The following SYNPO2 variants were observed in gnomAD, a reference collection of about 807,000 sequenced individuals.
The protein encoded by SYNPO2 is synaptopodin-2.
Under a neutral mutation model 85.0 loss-of-function variants are expected in SYNPO2, and 56 were observed. The ratio of observed to expected loss-of-function variants is 0.66; its 90% confidence interval spans 0.53 to 0.82. The LOEUF (loss-of-function observed/expected upper bound fraction) is 0.82. SYNPO2 is among the 40% of genes least tolerant of loss of function. The pLI is 0.00. For missense variants in SYNPO2, 1,575 were observed against 1,534.2 expected (o/e 1.03, Z -0.44); for synonymous variants, 602 against 591.1 (o/e 1.02, Z -0.27).
chr4:119,001,862 T>C lies in SYNPO2; in HGVS notation c.106-21568T>C, dbSNP rs1455813041. ...ACATCTGTGTTTACCTTTGTCTAGT[T>C]TTCTTATTTCTAAAATATACATCTG... On this transcript the variant is annotated intron_variant, in intron 1 of 4. Transcript: ENST00000307142. Among the ~76,000 whole-genome samples the C allele has an allele frequency of 5.9e-5, 9 of 151,778 alleles. No individual in the cohort carries two copies. The East Asian group carries it at 1.7e-3, about 29-fold the overall frequency.
In SYNPO2 at chr4:119,026,675, A is replaced by T; in HGVS notation, c.306A>T (p.Lys102Asn). The T allele has an allele frequency of 1.2e-6, 2 of 1,612,606 alleles. No homozygotes were observed. The highest frequency in any genetic ancestry group is 4.5e-5 in the East Asian group (2 of 44,884). The part of the protein sequence containing the change: ...SEALISENEN[K>N]NLEHLTHGGY... The stretch of plus-strand genomic sequence containing the variant: ...CTTTGATATCTGAAAATGAAAACAA[A>T]AACCTCGAGCATCTCACACATGGGG... Residue 102 changes from lysine (K) to asparagine (N), a missense_variant, in exon 3 of 5, where the codon AAA becomes AAT. Lys to Asn is a moderately conservative substitution (Grantham distance 94). This residue lies in a region of SYNPO2 where 1,508 missense variants were observed against 1,446.8 expected (regional missense o/e 1.04). Coordinates refer to ENST00000307142, the MANE Select transcript of SYNPO2 (RefSeq NM_133477.3).
At chr4:118,911,265 T>C (rs149198004) in intron 1 of SYNPO2, among the ~76,000 whole-genome samples, 1 of 152,232 alleles carries the variant, frequency 6.6e-6, no homozygotes, top group African/African-American at 2.4e-5. Context: ...AATCATTTTA[T>C]GCTATGCCTA....
At chr4:119,022,722 T>G (rs1312420943) in intron 1 of SYNPO2, among the ~76,000 whole-genome samples, 3 of 87,614 alleles carry the variant, frequency 3.4e-5, no homozygotes, top group Non-Finnish European at 8.0e-5. Flanking sequence ...TTATTTTATT[T>G]TAATTTTATT....
chr4:118,870,894 A>G lies in SYNPO2; in HGVS notation c.12+19954A>G, dbSNP rs545568831. Among the ~76,000 whole-genome samples, 124 of 152,342 alleles carry G rather than the reference A, an allele frequency of 8.1e-4. 1 individual carries two copies. Among genetic ancestry groups the G allele is most frequent in the South Asian group, 4.1e-3 (20 of 4,824 alleles). On this transcript the variant is annotated intron_variant, in intron 1 of 4. Transcript: ENST00000610556. ...CTGCATATGTATCCCAAAACTTAAA[A>G]TAAAATTTTTTTAAAAAGCAGATGT...
intron 1 of SYNPO2, among the ~76,000 whole-genome samples, chr4:118,882,054 GTTTC>G (rs1732114384): frequency 6.6e-6 from 1 of 152,170 alleles, no homozygotes; most frequent in African/African-American, 2.4e-5. Flanking sequence ...CAACCAGCAT[GTTTC>G]TTTCAGAAGT....
At chr4:119,019,345 G>T (rs1346887535) in intron 1 of SYNPO2, among the ~76,000 whole-genome samples, 1 of 152,080 alleles carries the variant, frequency 6.6e-6, no homozygotes, top group Admixed American at 6.6e-5. Context: ...AAAGAATACA[G>T]GATAAGAACT....
rs369125736 is a variant in SYNPO2 at position 119,030,660 on chromosome 4, C to T, written c.1885C>T (p.Pro629Ser). Residue 629 changes from proline to serine, a missense_variant, in exon 4 of 5, where the codon CCT becomes TCT. Around this residue, in one of 3 missense-constraint regions of SYNPO2, gnomAD observed 1,508 missense variants for 1,446.8 expected, o/e 1.04. Coordinates refer to ENST00000307142, the MANE Select transcript of SYNPO2 (RefSeq NM_133477.3). ...PPPYSAVTPP[P>S]DAFSRGVSSP... Reference sequence around the variant, plus strand: ...ACCTTACTCTGCAGTCACTCCTCCCCCTGACGCCTTCTCCAGAGGGGTTTC... The same window carrying T: ...ACCTTACTCTGCAGTCACTCCTCCCTCTGACGCCTTCTCCAGAGGGGTTTC... The T allele has an allele frequency of 9.3e-6, 15 of 1,614,186 alleles. No homozygotes were observed. Among genetic ancestry groups the T allele is most frequent in the African/African-American group, 1.3e-5 (1 of 75,054 alleles).
chr4:119,047,789 G>A (rs544936895), intron 4 of SYNPO2, among the ~76,000 whole-genome samples: 1 of 152,252 alleles, frequency 6.6e-6, no homozygotes, highest in Non-Finnish European at 1.5e-5. Flanking sequence ...CTACTGTCAA[G>A]AAAATTTTCA....
chr4:118,873,330 C>T (rs1486386977), intron 1 of SYNPO2, among the ~76,000 whole-genome samples: 1 of 151,992 alleles, frequency 6.6e-6, no homozygotes, highest in Non-Finnish European at 1.5e-5. Flanking sequence ...TAAGTGTTTC[C>T]TGTTCTCCAC....
intron 1 of SYNPO2, among the ~76,000 whole-genome samples, chr4:118,889,769 G>A (rs1732301829): frequency 6.6e-6 from 1 of 152,124 alleles, no homozygotes; most frequent in African/African-American, 2.4e-5. Context: ...AATAAACTTA[G>A]AAGATAATCT....
chr4:119,038,007 G>A, intron 4 of SYNPO2: 1 of 320,152 alleles, frequency 3.1e-6, no homozygotes, highest in South Asian at 1.2e-4. Flanking sequence ...CCATTTTACA[G>A]ATGAGGTATC....
At chr4:118,918,323 T>G (rs1485771123) in intron 1 of SYNPO2, among the ~76,000 whole-genome samples, 1 of 152,190 alleles carries the variant, frequency 6.6e-6, no homozygotes, top group East Asian at 1.9e-4. Context: ...ATGTAATAGA[T>G]TATGGTATAT....
At chr4:118,991,278 G>C (rs2149168094) in intron 1 of SYNPO2, among the ~76,000 whole-genome samples, 1 of 152,254 alleles carries the variant, frequency 6.6e-6, no homozygotes, top group South Asian at 2.1e-4. Context: ...CTCCTGAGTA[G>C]CTGCGATTAC....
At chr4:119,036,289 T>C in intron 4 of SYNPO2, 1 of 985,430 alleles carries the variant, frequency 1.0e-6, no homozygotes, top group Non-Finnish European at 1.2e-6. Flanking sequence ...GTTGTTGAGT[T>C]TGTTTTTAAA....
chr4:119,025,123 C>T (rs1737884248), intron 2 of SYNPO2, among the ~76,000 whole-genome samples: 1 of 152,158 alleles, frequency 6.6e-6, no homozygotes, highest in Non-Finnish European at 1.5e-5. Flanking sequence ...TTTACTTCAG[C>T]TGCTGATAAA....
At chr4:118,905,640 T>C in intron 1 of SYNPO2, among the ~76,000 whole-genome samples, 1 of 152,216 alleles carries the variant, frequency 6.6e-6, no homozygotes, top group Non-Finnish European at 1.5e-5. Context: ...CTTTTCAGGT[T>C]TGTAAGATCC....
At chr4:118,959,360 T>C (rs1425247380) in intron 1 of SYNPO2, among the ~76,000 whole-genome samples, 1 of 152,166 alleles carries the variant, frequency 6.6e-6, no homozygotes, top group Non-Finnish European at 1.5e-5. Flanking sequence ...GGCTTGAGAA[T>C]GAAGAATTAA....
chr4:119,038,115 T>G, intron 4 of SYNPO2: 1 of 983,260 alleles, frequency 1.0e-6, no homozygotes, highest in Non-Finnish European at 1.2e-6. Context: ...TCCAAACCTG[T>G]GCTCTCCCTA....
chr4:119,005,697 A>T (rs968672730), intron 1 of SYNPO2, among the ~76,000 whole-genome samples: 2 of 152,006 alleles, frequency 1.3e-5, no homozygotes, highest in African/African-American at 4.8e-5. Context: ...CTTAGGATTG[A>T]CTTGGTGATG....
Sources: gnomAD v4.1 joint callset for allele counts (sites outside exome capture counted in the v4.1 genomes callset) on GRCh38, gnomAD v4.1.1 for gene constraint, gnomAD v4.1.1 regional missense constraint, MANE v1.5 for transcripts, NCBI Gene and HGNC (gene_info 2026-07-23, HGNC 2026-07-21) for gene names.